THSD4: variants seen among roughly 807,000 people sequenced by gnomAD.
THSD4 encodes the protein thrombospondin type-1 domain-containing protein 4.
Under a neutral mutation model 119.0 loss-of-function variants are expected in THSD4, and 69 were observed. That is an observed-to-expected ratio of 0.58 (90% CI 0.48 to 0.71). THSD4 has a LOEUF of 0.71. Ranked by LOEUF, THSD4 falls within the 30% of genes least tolerant of loss-of-function variation. THSD4 has a pLI of 0.00. For synonymous variants in THSD4, 524 were observed against 540.4 expected (o/e 0.97, Z 0.42); for missense variants, 1,393 against 1,391.1 (o/e 1.00, Z -0.02).
chr15:71,642,157 A>T (rs552102006), intron 7 of THSD4, among the ~76,000 whole-genome samples: 4 of 152,344 alleles, frequency 2.6e-5, no homozygotes, highest in East Asian at 1.9e-4. Context: ...GTCAAACAAA[A>T]TCAGATAGAC....
intron 4 of THSD4, among the ~76,000 whole-genome samples, chr15:71,228,345 A>G (rs1463309295): frequency 6.6e-6 from 1 of 152,154 alleles, no homozygotes; most frequent in Non-Finnish European, 1.5e-5. Flanking sequence ...GGAAGAGGCC[A>G]GGAAACAGAT....
intron 8 of THSD4, among the ~76,000 whole-genome samples, chr15:71,718,572 C>A (rs1049168471): frequency 1.8e-4 from 28 of 152,178 alleles, no homozygotes; most frequent in Non-Finnish European, 4.4e-5. Context: ...GTATCCTGAT[C>A]AAAAATCTTT....
At chr15:71,724,287 A>ATATATATATATATTTT in intron 8 of THSD4, among the ~76,000 whole-genome samples, 29 of 37,280 alleles carry the variant, frequency 7.8e-4, no homozygotes, top group East Asian at 1.8e-3. Flanking sequence ...ATATATATAT[A>ATATATATATATATTTT]TTTTTTTTTT....
chr15:71,377,809 G>C (rs944050656), intron 6 of THSD4, among the ~76,000 whole-genome samples: 2 of 150,154 alleles, frequency 1.3e-5, no homozygotes, highest in Non-Finnish European at 3.0e-5. Flanking sequence ...TTAAAGTCCT[G>C]TTCTTTCCTG....
chr15:71,494,511 A>G (rs113585192), intron 7 of THSD4, among the ~76,000 whole-genome samples: 6,965 of 152,248 alleles, frequency 0.046, 273 homozygotes, highest in African/African-American at 0.11. Flanking sequence ...TATTATATAC[A>G]ATGTTTCCTA....
At chr15:71,313,238 G>C (rs114503288) in intron 6 of THSD4, among the ~76,000 whole-genome samples, 1 of 152,026 alleles carries the variant, frequency 6.6e-6, no homozygotes, top group South Asian at 2.1e-4. Flanking sequence ...ACTGAATTTA[G>C]TTGGCCCCTG....
intron 7 of THSD4, among the ~76,000 whole-genome samples, chr15:71,529,636 A>G (rs1484024285): frequency 3.3e-5 from 5 of 152,208 alleles, no homozygotes; most frequent in Non-Finnish European, 7.3e-5. Flanking sequence ...GTAAAGACAG[A>G]AGAAATAAAA....
chr15:71,212,473 A>G (rs2043895632), intron 3 of THSD4, among the ~76,000 whole-genome samples: 1 of 152,184 alleles, frequency 6.6e-6, no homozygotes, highest in Admixed American at 6.5e-5. Flanking sequence ...TAATCCAAGT[A>G]TTATAGGCAG....
intron 7 of THSD4, among the ~76,000 whole-genome samples, chr15:71,637,773 T>C (rs973039258): frequency 6.6e-6 from 1 of 151,952 alleles, no homozygotes; most frequent in Non-Finnish European, 1.5e-5. Context: ...TTGTCCAGGC[T>C]GGAGTGCAAT....
At chr15:71,624,491 T>C (rs1308152513) in intron 7 of THSD4, among the ~76,000 whole-genome samples, 1 of 152,236 alleles carries the variant, frequency 6.6e-6, no homozygotes, top group Non-Finnish European at 1.5e-5. Context: ...GCCAGTATAT[T>C]TCTTTGCCAT....
chr15:71,375,221 A>G (rs2046116099), intron 6 of THSD4, among the ~76,000 whole-genome samples: 1 of 152,232 alleles, frequency 6.6e-6, no homozygotes, highest in Non-Finnish European at 1.5e-5. Context: ...GTTTACATGG[A>G]GAGATGAGGC....
intron 6 of THSD4, among the ~76,000 whole-genome samples, chr15:71,321,362 C>G (rs2045265570): frequency 6.6e-6 from 1 of 152,088 alleles, no homozygotes; most frequent in Non-Finnish European, 1.5e-5. Flanking sequence ...ATGGTAAAAC[C>G]CTGTCTCTAC....
Position 71,131,117 on chromosome 15 carries a change from G to A in THSD4, c.-79-10332G>A, listed in dbSNP as rs142423666. Among the ~76,000 whole-genome samples the A allele has an allele frequency of 6.3e-3, 966 of 152,228 alleles. 6 individuals are homozygous for A. The highest frequency in any genetic ancestry group is 0.01 in the Admixed American group (157 of 15,296). On this transcript the variant is annotated intron_variant, in intron 1 of 17. Transcript: ENST00000261862. ...AGCTGTGATACCTTGTACCAGTCAC[G>A]TGGTTTCTTTACCTATTAGTTTATT...
chr15:71,768,603 T>C (rs2053757745), intron 16 of THSD4, among the ~76,000 whole-genome samples: 1 of 142,456 alleles, frequency 7.0e-6, no homozygotes, highest in Non-Finnish European at 1.5e-5. Flanking sequence ...GTCTCACTCT[T>C]GCCCAGGCTG....
chr15:71,217,508 A>G (rs2043943525), intron 4 of THSD4, among the ~76,000 whole-genome samples: 1 of 151,798 alleles, frequency 6.6e-6, no homozygotes, highest in Non-Finnish European at 1.5e-5. Flanking sequence ...CTGTATTCCC[A>G]GCTACTCGGG....
chr15:71,385,565 C>G (rs1271664888), intron 6 of THSD4, among the ~76,000 whole-genome samples: 1 of 89,030 alleles, frequency 1.1e-5, no homozygotes, highest in Non-Finnish European at 2.3e-5. Flanking sequence ...AGCTGGCTCA[C>G]TTAGAGCTTG....
At position 71,606,768 on chromosome 15, in the gene THSD4, G is replaced by A. The variant is rs146742142; in HGVS notation, c.1153-53762G>A. Among the ~76,000 whole-genome samples, 600 of 152,226 alleles carry A rather than the reference G, an allele frequency of 3.9e-3. 5 individuals are homozygous for A. Among genetic ancestry groups the A allele is most frequent in the African/African-American group, 0.013 (557 of 41,538 alleles). ...TTGGTTAGGCTGGTTTCAAACTCCC[G>A]ACCTCAGGTGATCCACCTGCCTCAG... On this transcript the variant is annotated intron_variant, in intron 7 of 17. Coordinates refer to ENST00000261862, the MANE Select transcript of THSD4 (RefSeq NM_024817.3).
intron 6 of THSD4, among the ~76,000 whole-genome samples, chr15:71,343,633 G>A (rs1432227992): frequency 6.6e-6 from 1 of 151,558 alleles, no homozygotes; most frequent in Non-Finnish European, 1.5e-5. Context: ...TTCTGTGACT[G>A]AAAATCCCTG....
At chr15:71,214,944 G>A (rs1596273100) in intron 3 of THSD4, 91 bp from the exon 4 acceptor site, 1 of 1,210,144 alleles carries the variant, frequency 8.3e-7, no homozygotes, top group Non-Finnish European at 1.0e-6. Context: ...GTGCCTACTT[G>A]TGCCTGATGG....
Sources: allele counts gnomAD v4.1 joint callset (sites outside exome capture counted in the v4.1 genomes callset), GRCh38; gene constraint gnomAD v4.1.1; transcripts MANE v1.5; gene names NCBI Gene and HGNC (gene_info 2026-07-23, HGNC 2026-07-21).